Variants in CBLN2 observed in about 807,000 individuals in gnomAD.
CBLN2 encodes cerebellin 2 precursor, also known as cerebellin-2.
In CBLN2, 7 loss-of-function variants were observed where a neutral mutation model predicts 15.0. The observed-to-expected ratio is 0.47, with a 90% confidence interval of 0.27 to 0.88. The LOEUF is 0.88. CBLN2 is among the 40% of genes least tolerant of loss of function. The pLI, the probability that CBLN2 is intolerant of heterozygous loss-of-function variation, is 0.14. For missense variants in CBLN2, 242 were observed against 304.5 expected (o/e 0.79, Z 1.53); for synonymous variants, 149 against 135.2 (o/e 1.10, Z -0.71).
chr18:72,608,068 C>A (rs1255254803), intron 1 of CBLN2, among the ~76,000 whole-genome samples: 1 of 151,974 alleles, frequency 6.6e-6, no homozygotes, highest in East Asian at 1.9e-4. Context: ...GGTTTTTTTT[C>A]TCCCTAAGGT....
chr18:72,546,264 T>C (rs980663153), upstream of CBLN2, among the ~76,000 whole-genome samples: 6 of 151,946 alleles, frequency 3.9e-5, no homozygotes, highest in South Asian at 2.1e-4. Flanking sequence ...GGTGAAACCT[T>C]GTCTCTACTA....
intron 1 of CBLN2, among the ~76,000 whole-genome samples, chr18:72,576,786 C>T (rs1158401880): frequency 1.3e-5 from 2 of 151,250 alleles, no homozygotes; most frequent in South Asian, 2.1e-4. Context: ...TTAACAATCA[C>T]CATTTATCCT....
chr18:72,633,071 G>T lies in CBLN2; in HGVS notation c.15+5254C>A, dbSNP rs548530564. ...TTCGATTGTTTCATTACCTAATTTT[G>T]AGTAATAGTATAAAAAGTCGGGTAT... On this transcript the variant is annotated intron_variant, in intron 1 of 2. Transcript: ENST00000581073. Among the ~76,000 whole-genome samples, 20 of 152,184 alleles carry T rather than the reference G, an allele frequency of 1.3e-4. 1 individual carries two copies. The East Asian group carries it at 3.9e-3, about 29-fold the overall frequency.
chr18:72,538,078 GGA>G lies in CBLN2; in HGVS notation c.*96_*97del. ...CTACTGCAACAGTCTGACGGAGGTT[GGA>G]AACAAGGTGTCCAATTCCAGTAAGT... is the stretch of plus-strand genomic sequence containing the variant. On this transcript the variant is annotated 3_prime_UTR_variant, in exon 5 of 5. Transcript: ENST00000269503. The G allele has an allele frequency of 2.5e-6, 3 of 1,193,130 alleles. No individual in the cohort carries two copies. Among genetic ancestry groups the G allele is most frequent in the Non-Finnish European group, 3.7e-6 (3 of 813,056 alleles). 73.9% of individuals were successfully genotyped at this position (1,193,130 alleles called of 1,614,324 possible).
upstream of CBLN2, among the ~76,000 whole-genome samples, chr18:72,548,870 A>C (rs1177896824): frequency 4.6e-5 from 7 of 152,144 alleles, no homozygotes. Flanking sequence ...TACGAGAAAA[A>C]GGTAGTGAAA....
intron 1 of CBLN2, among the ~76,000 whole-genome samples, chr18:72,555,558 A>G (rs2069221271): frequency 6.6e-6 from 1 of 152,176 alleles, no homozygotes; most frequent in South Asian, 2.1e-4. Flanking sequence ...ACCTAATACA[A>G]TCTTAATTTA....
intron 1 of CBLN2, among the ~76,000 whole-genome samples, chr18:72,629,289 C>T (rs1178378944): frequency 2.6e-5 from 4 of 152,056 alleles, no homozygotes; most frequent in Non-Finnish European, 5.9e-5. Flanking sequence ...GCTTGGTTTG[C>T]TTTATAAAAC....
chr18:72,593,588 A>G (rs965051182), intron 1 of CBLN2, among the ~76,000 whole-genome samples: 20 of 152,132 alleles, frequency 1.3e-4, no homozygotes, highest in Non-Finnish European at 2.5e-4. Flanking sequence ...CTTGTTCCAG[A>G]TCTTAGAGGA....
At chr18:72,551,693 G>A (rs1348896134) in intron 1 of CBLN2, among the ~76,000 whole-genome samples, 2 of 152,134 alleles carry the variant, frequency 1.3e-5, no homozygotes, top group Non-Finnish European at 2.9e-5. Flanking sequence ...CATTAATACT[G>A]TAACCATGCT....
Position 72,564,456 on chromosome 18 carries a change from T to C in CBLN2, c.16-25684A>G, listed in dbSNP as rs1242374908. Among the ~76,000 whole-genome samples, 5 of 152,220 alleles carry C rather than the reference T, an allele frequency of 3.3e-5. No individual in the cohort carries two copies. The East Asian group carries it at 5.8e-4, about 18-fold the overall frequency. Reference sequence around the variant, plus strand: ...ACAAAAGTTCAAGCAGAAGAAAGAATTTCTGATTTTGATTCTGAAGACAAG... The same window carrying C: ...ACAAAAGTTCAAGCAGAAGAAAGAACTTCTGATTTTGATTCTGAAGACAAG... On this transcript the variant is annotated intron_variant, in intron 1 of 2. Transcript: ENST00000581073.
intron 1 of CBLN2, among the ~76,000 whole-genome samples, chr18:72,603,601 C>T (rs1415990566): frequency 6.6e-6 from 1 of 152,120 alleles, no homozygotes; most frequent in African/African-American, 2.4e-5. Flanking sequence ...ATATATCTTC[C>T]TTTTCATAGA....
chr18:72,586,173 C>T (rs2069441754), intron 1 of CBLN2, among the ~76,000 whole-genome samples: 1 of 152,214 alleles, frequency 6.6e-6, no homozygotes, highest in South Asian at 2.1e-4. Context: ...CAGCCCTGGC[C>T]ATGCCTCCCC....
chr18:72,596,237 T>C (rs1448465615), intron 1 of CBLN2, among the ~76,000 whole-genome samples: 1 of 152,054 alleles, frequency 6.6e-6, no homozygotes, highest in Non-Finnish European at 1.5e-5. Flanking sequence ...TTATTGCCCA[T>C]GATTTGAAAC....
chr18:72,613,408 C>G (rs756628883), intron 1 of CBLN2, among the ~76,000 whole-genome samples: 6 of 152,114 alleles, frequency 3.9e-5, no homozygotes, highest in Non-Finnish European at 8.8e-5. Context: ...GAGTGCCTTT[C>G]CCAATATCTG....
intron 1 of CBLN2, among the ~76,000 whole-genome samples, chr18:72,604,024 C>T (rs537756379): frequency 6.6e-5 from 10 of 152,284 alleles, no homozygotes; most frequent in Admixed American, 5.9e-4. Flanking sequence ...TCTCAACTTG[C>T]GTCCAGCACC....
At chr18:72,597,058 C>A (rs1416173616) in intron 1 of CBLN2, among the ~76,000 whole-genome samples, 2 of 152,116 alleles carry the variant, frequency 1.3e-5, no homozygotes, top group Non-Finnish European at 2.9e-5. Flanking sequence ...ATTAGGTTTG[C>A]CCTTTTGAGA....
chr18:72,551,754 C>T (rs1335026381), intron 1 of CBLN2, among the ~76,000 whole-genome samples: 1 of 152,172 alleles, frequency 6.6e-6, no homozygotes, highest in Non-Finnish European at 1.5e-5. Context: ...CACCATTATA[C>T]ATATAAACAC....
intron 1 of CBLN2, among the ~76,000 whole-genome samples, chr18:72,596,571 G>T (rs748029207): frequency 2.0e-5 from 3 of 152,118 alleles, no homozygotes; most frequent in Non-Finnish European, 4.4e-5. Context: ...TCAGATTGAA[G>T]AATTTCTTTT....
In CBLN2 at chr18:72,538,156, C is replaced by A; in HGVS notation, c.*20G>T. 1.9e-6 allele frequency: 3 copies of A among 1,613,362 alleles called. No homozygotes were observed. Among genetic ancestry groups the A allele is most frequent in the Non-Finnish European group, 2.5e-6 (3 of 1,179,378 alleles). On this transcript the variant is annotated 3_prime_UTR_variant, in exon 5 of 5. Transcript: ENST00000269503. ...CTGGGTCCAGTTTGCCATTCCCCCA[C>A]CATCTAGGGGGCTCTGTGTTTATAG...
Sources: gnomAD v4.1 joint callset for allele counts (sites outside exome capture counted in the v4.1 genomes callset) on GRCh38, gnomAD v4.1.1 for gene constraint, MANE v1.5 for transcripts, NCBI Gene and HGNC (gene_info 2026-07-23, HGNC 2026-07-21) for gene names.